LRP1B: variants seen among roughly 807,000 people sequenced by gnomAD.
LRP1B encodes the protein low-density lipoprotein receptor-related protein 1B.
Under a neutral mutation model 556.6 loss-of-function variants are expected in LRP1B, and 217 were observed. That is an observed-to-expected ratio of 0.39 (90% CI 0.35 to 0.44). The LOEUF (loss-of-function observed/expected upper bound fraction) is 0.44, where lower values mean the gene tolerates loss of function less well. LRP1B is among the 20% of genes least tolerant of loss of function. The pLI is 1.00. For synonymous variants in LRP1B, 2,047 were observed against 1,865.8 expected, an observed-to-expected ratio of 1.10 and a Z score of -2.50; for missense variants, 5,053 against 5,620.8, an observed-to-expected ratio of 0.90 and a Z score of 3.23.
chr2:142,130,849 G>T lies in LRP1B; in HGVS notation c.-120C>A. On this transcript the variant is annotated 5_prime_UTR_variant, in exon 1 of 91. Coordinates refer to ENST00000389484, the MANE Select transcript of LRP1B (RefSeq NM_018557.3). ...GAATCGAGCGGCGTCATTTACAAAT[G>T]TCACTGGAAATTCTTCAGCTCAATG... The T allele has an allele frequency of 1.3e-6, 1 of 782,542 alleles. No homozygotes were observed. The allele number at this position is 782,542 out of a possible 1,614,324, so 48.5% of individuals were successfully genotyped here.
chr2:140,325,796 G>A lies in LRP1B; in HGVS notation c.12306C>T (p.Gly4102=), dbSNP rs1027935915. 5 of 1,612,496 alleles carry A rather than the reference G, an allele frequency of 3.1e-6. No homozygotes were observed. The highest frequency in any genetic ancestry group is 3.4e-6 in the Non-Finnish European group (4 of 1,179,216). The change falls in exon 80 of 91, where the codon GGC becomes GGT. Residue 4102 remains glycine (G), a synonymous_variant. Coordinates refer to ENST00000389484, the MANE Select transcript of LRP1B (RefSeq NM_018557.3). ...LSIIGSVLYD[G]SNSVVSVSSK... ...TGCTGACAGAGACTACTGAATTAGA[G>A]CCATCATACAGAACACTGCCAATGA...
chr2:141,128,995 T>G (rs1701285219), intron 7 of LRP1B, among the ~76,000 whole-genome samples: 2 of 152,178 alleles, frequency 1.3e-5, no homozygotes, highest in Admixed American at 6.6e-5. Flanking sequence ...AAAAGATATT[T>G]GAAATAAACG....
At chr2:141,140,053 T>C (rs1701604727) in intron 7 of LRP1B, among the ~76,000 whole-genome samples, 2 of 151,898 alleles carry the variant, frequency 1.3e-5, no homozygotes, top group African/African-American at 4.8e-5. Flanking sequence ...ATGATGAATC[T>C]CAAAATAACT....
intron 69 of LRP1B, among the ~76,000 whole-genome samples, chr2:140,371,503 T>G (rs633689): frequency 6.6e-6 from 1 of 151,228 alleles, no homozygotes; most frequent in African/African-American, 2.4e-5. Flanking sequence ...ATATACTTCA[T>G]GATGCAATAA....
At chr2:141,842,763 A>G (rs1196513889) in intron 1 of LRP1B, among the ~76,000 whole-genome samples, 1 of 152,170 alleles carries the variant, frequency 6.6e-6, no homozygotes, top group Admixed American at 6.5e-5. Flanking sequence ...AATATTTTAC[A>G]AAGTAATGTT....
At chr2:140,939,689 A>C (rs1695337043) in intron 20 of LRP1B, among the ~76,000 whole-genome samples, 1 of 151,512 alleles carries the variant, frequency 6.6e-6, no homozygotes, top group Non-Finnish European at 1.5e-5. Flanking sequence ...AGCCTAAAAG[A>C]AGGTATTAAA....
In LRP1B at chr2:140,370,826, T is replaced by A. The variant is rs745404040; in HGVS notation, c.10892A>T (p.Glu3631Val). The change falls in exon 71 of 91, where the codon GAA becomes GTA. Residue 3631 changes from glutamate (E) to valine (V), a missense_variant. Physicochemically the swap from Glu to Val is moderately radical, Grantham distance 121. Around this residue, in one of 5 missense-constraint regions of LRP1B, gnomAD observed 599 missense variants for 648.4 expected, o/e 0.92. Coordinates refer to ENST00000389484, the MANE Select transcript of LRP1B (RefSeq NM_018557.3). ...DGSDEMDCVT[E>V]CKEDQFRCKN... ...GCACCGAAACTGATCTTCCTTACAT[T>A]CAGTCACACAGTCCATCTGTTCAAA... The A allele has an allele frequency of 6.2e-7, 1 of 1,612,498 alleles. No homozygotes were observed. The highest frequency in any genetic ancestry group is 1.3e-5 in the African/African-American group (1 of 74,924).
rs2105116369 is a variant in LRP1B at position 140,350,955 on chromosome 2, G to C, written c.11734C>G (p.Gln3912Glu). 1 of 1,610,134 alleles carries C rather than the reference G, an allele frequency of 6.2e-7. No homozygotes were observed. Residue 3912 changes from glutamine (Q) to glutamate (E), a missense_variant, in exon 77 of 91, where the codon CAA becomes GAA. Physicochemically the swap from Gln to Glu is conservative, Grantham distance 29. Coordinates refer to ENST00000389484, the MANE Select transcript of LRP1B (RefSeq NM_018557.3). ...IYPFNYSGDH[Q>E]QISHIEHNSR... The stretch of plus-strand genomic sequence containing the variant: ...TTATGTTCAATATGAGAAATTTGTT[G>C]ATGATCGCCACTGTAGTTGAATGGA...
intron 41 of LRP1B, among the ~76,000 whole-genome samples, chr2:140,693,259 C>A (rs1686309640): frequency 6.6e-6 from 1 of 152,074 alleles, no homozygotes; most frequent in African/African-American, 2.4e-5. Context: ...TGATATTTTG[C>A]TCTTCTATGT....
intron 6 of LRP1B, among the ~76,000 whole-genome samples, chr2:141,222,204 G>T (rs1683075381): frequency 6.6e-6 from 1 of 152,000 alleles, no homozygotes; most frequent in Admixed American, 6.6e-5. Flanking sequence ...TGATAAAGGA[G>T]ATATAACCAC....
Position 140,867,664 on chromosome 2 carries a change from T to C in LRP1B, c.4505A>G (p.Asn1502Ser), listed in dbSNP as rs975813753. The C allele has an allele frequency of 6.2e-7, 1 of 1,613,544 alleles. No individual in the cohort carries two copies. Among genetic ancestry groups the C allele is most frequent in the African/African-American group, 1.3e-5 (1 of 74,876 alleles). Reference protein sequence around the residue: ...LSKANKWTGQNVSVIQKTSAQ... With the variant: ...LSKANKWTGQSVSVIQKTSAQ... ...ACTGGTTTTCTGAATCACACTGACA[T>C]TCTGCCCTGTCCACTTATTGGCTTT... Residue 1502 changes from asparagine (N) to serine (S), a missense_variant, in exon 27 of 91, where the codon AAT (asparagine) becomes AGT (serine). Around this residue, in one of 5 missense-constraint regions of LRP1B, gnomAD observed 3,619 missense variants for 3,931.9 expected, o/e 0.92. Transcript: ENST00000389484.
At chr2:140,354,888 T>G (rs1277241274) in intron 75 of LRP1B, among the ~76,000 whole-genome samples, 1 of 152,066 alleles carries the variant, frequency 6.6e-6, no homozygotes, top group East Asian at 1.9e-4. Context: ...AATAGCAATT[T>G]CTTATGCATT....
intron 1 of LRP1B, among the ~76,000 whole-genome samples, chr2:142,023,326 G>T (rs1703403073): frequency 2.0e-5 from 3 of 152,042 alleles, no homozygotes; most frequent in African/African-American, 4.8e-5. Flanking sequence ...TCATTTATTG[G>T]TATCCGCGTA....
intron 62 of LRP1B, among the ~76,000 whole-genome samples, chr2:140,454,539 C>T (rs150976963): frequency 0.015 from 2,324 of 152,226 alleles, 28 homozygotes; most frequent in Non-Finnish European, 0.021. Flanking sequence ...AAGTATTGTA[C>T]ACATTTGGAT....
intron 83 of LRP1B, among the ~76,000 whole-genome samples, chr2:140,307,096 T>C (rs1248392704): frequency 6.6e-6 from 1 of 152,018 alleles, no homozygotes. Context: ...GAATATAAAA[T>C]ATTTCACCAC....
intron 11 of LRP1B, among the ~76,000 whole-genome samples, chr2:141,045,180 A>G (rs1698830984): frequency 8.3e-6 from 1 of 119,932 alleles, no homozygotes; most frequent in Non-Finnish European, 1.8e-5. Flanking sequence ...ACAAAAAACC[A>G]AACACCGCAT....
chr2:140,324,584 TAAATGAAAATCATTC>T (rs1343709992), intron 80 of LRP1B, among the ~76,000 whole-genome samples: 4 of 152,082 alleles, frequency 2.6e-5, no homozygotes, highest in Non-Finnish European at 4.4e-5. Flanking sequence ...AGAAAACAGT[TAAATGAAAATCATTC>T]TTCATCTGAT....
At chr2:140,759,450 A>C (rs1356468827) in intron 35 of LRP1B, among the ~76,000 whole-genome samples, 1 of 152,242 alleles carries the variant, frequency 6.6e-6, no homozygotes, top group African/African-American at 2.4e-5. Flanking sequence ...AAAATTAAAT[A>C]ATAAATAAAG....
intron 66 of LRP1B, among the ~76,000 whole-genome samples, chr2:140,389,839 T>C (rs1683937579): frequency 6.6e-6 from 1 of 151,242 alleles, no homozygotes; most frequent in African/African-American, 2.4e-5. Flanking sequence ...TAAAATTACA[T>C]GGAAAAGGCT....
Sources: allele counts gnomAD v4.1 joint callset (sites outside exome capture counted in the v4.1 genomes callset), GRCh38; gene constraint gnomAD v4.1.1; regional missense constraint gnomAD v4.1.1; transcripts MANE v1.5; gene names NCBI Gene and HGNC (gene_info 2026-07-23, HGNC 2026-07-21).